Variants in RPS6KA2 observed in about 807,000 individuals in gnomAD.
RPS6KA2 encodes the protein ribosomal protein S6 kinase A2.
In RPS6KA2, 42 loss-of-function variants were observed where a neutral mutation model predicts 91.8. The ratio of observed to expected loss-of-function variants is 0.46; its 90% CI spans 0.36 to 0.59. The LOEUF is 0.59. Ranked by LOEUF, RPS6KA2 falls within the 20% of genes least tolerant of loss-of-function variation. The pLI, the probability that RPS6KA2 is intolerant of heterozygous loss-of-function variation, is 0.00. For synonymous variants in RPS6KA2, 414 were observed against 393.6 expected (o/e 1.05, Z -0.61); for missense variants, 798 against 978.5 (o/e 0.82, Z 2.46).
chr6:166,614,419 C>G (rs1786323070), intron 1 of RPS6KA2, among the ~76,000 whole-genome samples: 1 of 152,172 alleles, frequency 6.6e-6, no homozygotes, highest in South Asian at 2.1e-4. Context: ...TACCCAGGCC[C>G]CGAGGGCAGG....
intron 1 of RPS6KA2, among the ~76,000 whole-genome samples, chr6:166,590,808 A>G (rs1313459394): frequency 6.6e-6 from 1 of 152,202 alleles, no homozygotes; most frequent in African/African-American, 2.4e-5. Flanking sequence ...ACACTAACGG[A>G]TAAGTGATGG....
chr6:166,585,542 T>G (rs1785145007), intron 1 of RPS6KA2, among the ~76,000 whole-genome samples: 1 of 105,814 alleles, frequency 9.5e-6, no homozygotes, highest in Admixed American at 9.1e-5. Context: ...GCTTTATTAC[T>G]GATTTCCCTC....
Position 166,639,943 on chromosome 6 carries a change from T to C in RPS6KA2, c.124-101159A>G, listed in dbSNP as rs985964564. On this transcript the variant is annotated intron_variant, in intron 2 of 21. Coordinates refer to the RPS6KA2 transcript ENST00000503859. This position sits in a 1 kb window ranked among gnomAD's most constrained non-coding sequence, Gnocchi z 4.2. ...AAGTGTCCGTAGCGTTCCATGCGTG[T>C]GTGTAAACAGACGTTACTAGGATTA... is the stretch of plus-strand genomic sequence containing the variant. Among the ~76,000 whole-genome samples the C allele has an allele frequency of 6.6e-6, 1 of 152,262 alleles. No homozygotes were observed.
intron 2 of RPS6KA2, among the ~76,000 whole-genome samples, chr6:166,843,682 G>T (rs1780542273): frequency 6.6e-6 from 1 of 152,162 alleles, no homozygotes; most frequent in African/African-American, 2.4e-5. Context: ...AATCACTACA[G>T]TTCAGCTCTC....
chr6:166,695,221 T>C (rs944320797), intron 2 of RPS6KA2, among the ~76,000 whole-genome samples: 6 of 152,164 alleles, frequency 3.9e-5, no homozygotes, highest in Non-Finnish European at 7.3e-5. Flanking sequence ...GGTCACTAAC[T>C]CTGAAACTCA....
chr6:166,527,015 G>A (rs557000053), intron 3 of RPS6KA2, among the ~76,000 whole-genome samples: 1 of 152,362 alleles, frequency 6.6e-6, no homozygotes, highest in South Asian at 2.1e-4. Context: ...AGGACACTGT[G>A]GACTGGATTA....
At chr6:166,820,727 C>CAAAT (rs1452188356) in intron 2 of RPS6KA2, among the ~76,000 whole-genome samples, 1 of 152,176 alleles carries the variant, frequency 6.6e-6, no homozygotes, top group Non-Finnish European at 1.5e-5. Flanking sequence ...ATATAACACA[C>CAAAT]ATTTTTCCAT....
At chr6:166,621,472 C>T (rs1485800504) in intron 1 of RPS6KA2, among the ~76,000 whole-genome samples, 1 of 152,236 alleles carries the variant, frequency 6.6e-6, no homozygotes, top group Non-Finnish European at 1.5e-5. Context: ...CACACTGTAG[C>T]TTAACAGCCT....
At chr6:166,427,888 T>C (rs1173865836) in intron 16 of RPS6KA2, among the ~76,000 whole-genome samples, 3 of 152,160 alleles carry the variant, frequency 2.0e-5, no homozygotes, top group Non-Finnish European at 4.4e-5. Context: ...AGCTAATTTA[T>C]AGATTCAATG....
intron 8 of RPS6KA2, among the ~76,000 whole-genome samples, chr6:166,496,675 C>T (rs778994191): frequency 2.0e-5 from 3 of 152,160 alleles, no homozygotes; most frequent in East Asian, 1.9e-4. Context: ...AAGGCTGGCC[C>T]GCAGTACTGC....
At chr6:166,752,715 A>AC (rs935342220) in intron 2 of RPS6KA2, among the ~76,000 whole-genome samples, 3 of 152,184 alleles carry the variant, frequency 2.0e-5, no homozygotes, top group African/African-American at 7.2e-5. Flanking sequence ...ACGGATCACA[A>AC]CCTGGTTCTC....
Position 166,643,909 on chromosome 6 carries a change from C to A in RPS6KA2, c.124-105125G>T, listed in dbSNP as rs139065927. Among the ~76,000 whole-genome samples the A allele has an allele frequency of 5.3e-3, 802 of 152,322 alleles. 25 individuals are homozygous for A. The highest frequency in any genetic ancestry group is 0.044 in the Admixed American group (668 of 15,296). On this transcript the variant is annotated intron_variant, in intron 2 of 21. Transcript: ENST00000503859. The stretch of plus-strand genomic sequence containing the variant: ...TATTAGACTGTAAACCCTGTGAGGG[C>A]AGGAATTGTGTCTCCTTGGCAAATC...
intron 3 of RPS6KA2, among the ~76,000 whole-genome samples, chr6:166,512,827 G>A (rs952923414): frequency 4.6e-5 from 7 of 152,218 alleles, no homozygotes; most frequent in African/African-American, 1.2e-4. Context: ...ACACTGTGCC[G>A]CTTCAGGTGT....
intron 2 of RPS6KA2, among the ~76,000 whole-genome samples, chr6:166,679,888 C>T (rs1337236199): frequency 6.6e-6 from 1 of 152,222 alleles, no homozygotes; most frequent in Non-Finnish European, 1.5e-5. Flanking sequence ...TGATGGGGGA[C>T]GAGCTCCCTC....
intron 2 of RPS6KA2, among the ~76,000 whole-genome samples, chr6:166,747,853 G>A (rs1412066089): frequency 1.3e-5 from 2 of 152,248 alleles, no homozygotes; most frequent in African/African-American, 4.8e-5. Flanking sequence ...GGATGGCACA[G>A]GGGCCTCCTC....
intron 8 of RPS6KA2, among the ~76,000 whole-genome samples, chr6:166,497,491 T>G (rs926649613): frequency 6.6e-6 from 1 of 152,230 alleles, no homozygotes; most frequent in African/African-American, 2.4e-5. Context: ...AATGTGTGTC[T>G]GCCCCTCGCG....
At chr6:166,703,735 A>G (rs1789599288) in intron 2 of RPS6KA2, among the ~76,000 whole-genome samples, 1 of 152,258 alleles carries the variant, frequency 6.6e-6, no homozygotes, top group African/African-American at 2.4e-5. Context: ...GTTTAGAAGA[A>G]TGCAAGGCTG....
intron 11 of RPS6KA2, among the ~76,000 whole-genome samples, chr6:166,461,601 G>A (rs914010123): frequency 2.0e-5 from 3 of 146,776 alleles, no homozygotes; most frequent in African/African-American, 7.6e-5. Flanking sequence ...GGGAGGGGAA[G>A]GGGGTAAGAA....
upstream of RPS6KA2, among the ~76,000 whole-genome samples, chr6:166,628,407 A>G (rs1786975012): frequency 6.6e-6 from 1 of 152,222 alleles, no homozygotes; most frequent in South Asian, 2.1e-4. Flanking sequence ...TGGTGAGTTG[A>G]CAAGTCTTGC....
Sources: allele counts gnomAD v4.1 joint callset (sites outside exome capture counted in the v4.1 genomes callset), GRCh38; gene constraint gnomAD v4.1.1; non-coding constraint Gnocchi (gnomAD v3.1); transcripts MANE v1.5; gene names NCBI Gene and HGNC (gene_info 2026-07-23, HGNC 2026-07-21).